The following PKIB variants were observed in gnomAD, a reference collection of about 807,000 sequenced individuals.
PKIB encodes the protein cAMP-dependent protein kinase inhibitor beta, also known as PKI-beta.
PKIB carries 2 observed loss-of-function variants against 4.5 expected under a neutral mutation model. The observed-to-expected ratio is 0.44, with a 90% CI of 0.18 to 1.39. PKIB has a LOEUF of 1.39. Ranked by LOEUF, PKIB falls within the 40% of genes most tolerant of loss-of-function variation. The pLI is 0.27. For synonymous variants in PKIB, 38 were observed against 36.0 expected (o/e 1.06, Z -0.20); for missense variants, 94 against 92.6 (o/e 1.02, Z -0.06).
At chr6:122,583,140 C>T (rs1773752588) in intron 2 of PKIB, among the ~76,000 whole-genome samples, 1 of 151,918 alleles carries the variant, frequency 6.6e-6, no homozygotes, top group Admixed American at 6.6e-5. Context: ...GTATAATACA[C>T]TGTTGAGGTC....
intron 2 of PKIB, chr6:122,481,900 G>T (rs764210617): frequency 1.3e-5 from 2 of 150,948 alleles, no homozygotes; most frequent in South Asian, 2.1e-4. Flanking sequence ...AACACCCAGG[G>T]TTTTTGTAAT....
chr6:122,504,683 C>T (rs1052727627), intron 2 of PKIB, among the ~76,000 whole-genome samples: 1 of 152,108 alleles, frequency 6.6e-6, no homozygotes, highest in Admixed American at 6.6e-5. Context: ...AAATTTTACC[C>T]TGTTATGTAA....
At chr6:122,510,318 G>T (rs549896083) in intron 2 of PKIB, among the ~76,000 whole-genome samples, 18 of 152,188 alleles carry the variant, frequency 1.2e-4, no homozygotes, top group African/African-American at 4.3e-4. Context: ...TAACAATCTG[G>T]AAATTGATTT....
intron 3 of PKIB, among the ~76,000 whole-genome samples, chr6:122,586,933 G>A (rs1325596308): frequency 6.6e-6 from 1 of 152,180 alleles, no homozygotes; most frequent in Non-Finnish European, 1.5e-5. Context: ...GGGGTGGTAG[G>A]AGGGAGCGAT....
upstream of PKIB, among the ~76,000 whole-genome samples, chr6:122,609,548 G>T (rs1774662653): frequency 6.6e-6 from 1 of 152,206 alleles, no homozygotes; most frequent in South Asian, 2.1e-4. Flanking sequence ...GGCTTTGGGT[G>T]GCAAGTCAGA....
rs560500841 is a variant in PKIB, at chr6:122,722,849, C to T, written c.170-2279C>T. ...TGCTTCTGTGGCTCCAAATCTTCTGCGTACCATTCTTTCTCTCACCCTAAT... is the reference window on the plus strand; with the variant it reads ...TGCTTCTGTGGCTCCAAATCTTCTGTGTACCATTCTTTCTCTCACCCTAAT... On this transcript the variant is annotated intron_variant, in intron 4 of 4. Coordinates refer to ENST00000368452, the MANE Select transcript of PKIB (RefSeq NM_181795.3). Among the ~76,000 whole-genome samples the T allele has an allele frequency of 2.6e-5, 4 of 152,264 alleles. No homozygotes were observed. In the East Asian group the frequency reaches 5.8e-4, roughly 22 times the overall value.
At chr6:122,575,827 A>G (rs551814467) in intron 2 of PKIB, among the ~76,000 whole-genome samples, 31 of 152,136 alleles carry the variant, frequency 2.0e-4, no homozygotes, top group Non-Finnish European at 3.8e-4. Context: ...TTGGGTGACA[A>G]GTGCACTAAA....
chr6:122,686,942 C>A (rs1006897716), intron 3 of PKIB, among the ~76,000 whole-genome samples: 1 of 152,016 alleles, frequency 6.6e-6, no homozygotes, highest in Non-Finnish European at 1.5e-5. Flanking sequence ...TGATTGTTTC[C>A]TTTCCTGTGA....
At position 122,725,939 on chromosome 6, in the gene PKIB, C is replaced by G. The variant is rs1779936169; in HGVS notation, c.*744C>G. On this transcript the variant is annotated 3_prime_UTR_variant, in exon 5 of 5. Coordinates refer to ENST00000368452, the MANE Select transcript of PKIB (RefSeq NM_181795.3). The stretch of plus-strand genomic sequence containing the variant: ...GTGTTTTACTTTAATATGAATTATA[C>G]AAAATACTAGTTGTTTTACACTCTC... The G allele has an allele frequency of 6.6e-6, 1 of 152,010 alleles. No individual in the cohort carries two copies. 9.4% of individuals were successfully genotyped at this position (152,010 alleles called of 1,614,324 possible).
chr6:122,663,296 A>T (rs1167972348), intron 2 of PKIB, among the ~76,000 whole-genome samples: 1 of 152,214 alleles, frequency 6.6e-6, no homozygotes, highest in East Asian at 1.9e-4. Flanking sequence ...GCTCTAATTT[A>T]AAAAAGATGA....
At chr6:122,649,850 A>G (rs1471964188) in intron 2 of PKIB, among the ~76,000 whole-genome samples, 1 of 152,066 alleles carries the variant, frequency 6.6e-6, no homozygotes, top group East Asian at 1.9e-4. Flanking sequence ...ACTGTGATTC[A>G]CCTTCAGGGA....
intron 2 of PKIB, among the ~76,000 whole-genome samples, chr6:122,571,872 C>T (rs1773376042): frequency 6.6e-6 from 1 of 152,000 alleles, no homozygotes; most frequent in Admixed American, 6.6e-5. Context: ...ATGAATAGAA[C>T]AGTACTTCAC....
intron 2 of PKIB, among the ~76,000 whole-genome samples, chr6:122,674,541 A>C (rs6916691): frequency 0.6 from 91,127 of 152,044 alleles, 28,928 homozygotes; most frequent in Non-Finnish European, 0.71. Context: ...TAGGTAGTTT[A>C]CTTTGATTTC....
At chr6:122,554,061 A>G (rs1055627972) in intron 2 of PKIB, among the ~76,000 whole-genome samples, 1 of 152,236 alleles carries the variant, frequency 6.6e-6, no homozygotes, top group Admixed American at 6.5e-5. Context: ...TATAGTTCGC[A>G]AAAGCAATCA....
At chr6:122,552,949 A>G (rs1368509589) in intron 2 of PKIB, among the ~76,000 whole-genome samples, 1 of 152,118 alleles carries the variant, frequency 6.6e-6, no homozygotes, top group Non-Finnish European at 1.5e-5. Context: ...GCTACTCCTT[A>G]TATCTGCTAT....
At chr6:122,614,351 T>C (rs1462261645) in intron 1 of PKIB, among the ~76,000 whole-genome samples, 1 of 152,216 alleles carries the variant, frequency 6.6e-6, no homozygotes, top group Non-Finnish European at 1.5e-5. Flanking sequence ...ATAGTTTTAA[T>C]GTAATTGAAG....
At chr6:122,518,086 A>C (rs1468363571) in intron 2 of PKIB, among the ~76,000 whole-genome samples, 1 of 152,222 alleles carries the variant, frequency 6.6e-6, no homozygotes, top group Non-Finnish European at 1.5e-5. Context: ...CAACCCCAGA[A>C]ATGAATAAAT....
At chr6:122,496,692 A>G (rs1776084880) in intron 2 of PKIB, among the ~76,000 whole-genome samples, 1 of 152,186 alleles carries the variant, frequency 6.6e-6, no homozygotes, top group Non-Finnish European at 1.5e-5. Flanking sequence ...TAAAAATTCA[A>G]AAAATGAGCA....
intron 2 of PKIB, among the ~76,000 whole-genome samples, chr6:122,495,536 C>G (rs1776053807): frequency 6.6e-6 from 1 of 152,138 alleles, no homozygotes; most frequent in South Asian, 2.1e-4. Flanking sequence ...TAGCCCAACC[C>G]TAGTCCTGGC....
Sources: allele counts gnomAD v4.1 joint callset (sites outside exome capture counted in the v4.1 genomes callset), GRCh38; gene constraint gnomAD v4.1.1; transcripts MANE v1.5; gene names NCBI Gene and HGNC (gene_info 2026-07-23, HGNC 2026-07-21).